The following NFIC variants were observed in gnomAD, a reference collection of about 807,000 sequenced individuals.
The protein encoded by NFIC is nuclear factor 1 C-type.
A neutral mutation model predicts 54.4 loss-of-function variants in NFIC; 12 were observed. The ratio of observed to expected loss-of-function variants is 0.22; its 90% confidence interval spans 0.14 to 0.36. NFIC has a LOEUF of 0.36. NFIC is among the 10% of genes least tolerant of loss of function. NFIC has a pLI of 1.00. For missense variants in NFIC, 575 were observed against 718.2 expected, an observed-to-expected ratio of 0.80 and a Z score of 2.28; for synonymous variants, 322 against 319.2, an observed-to-expected ratio of 1.01 and a Z score of -0.09.
intron 2 of NFIC, among the ~76,000 whole-genome samples, chr19:3,419,238 A>C (rs10405149): frequency 6.6e-6 from 1 of 152,110 alleles, no homozygotes; most frequent in Non-Finnish European, 1.5e-5. Flanking sequence ...AATATTATGC[A>C]TATTTTACCA....
At chr19:3,366,372 TAG>T (rs1300352158), upstream of NFIC, among the ~76,000 whole-genome samples, 10 of 135,016 alleles carry the variant, frequency 7.4e-5, no homozygotes, top group South Asian at 1.2e-3. Flanking sequence ...TGTCAGAGGG[TAG>T]AGAGAGAGAC....
chr19:3,405,377 C>T (rs1044206730), intron 2 of NFIC, among the ~76,000 whole-genome samples: 1 of 152,112 alleles, frequency 6.6e-6, no homozygotes, highest in Non-Finnish European at 1.5e-5. Flanking sequence ...TTGATTTGTC[C>T]AGACAGGCGA....
chr19:3,400,793 G>A (rs2081543023), intron 2 of NFIC, among the ~76,000 whole-genome samples: 1 of 152,220 alleles, frequency 6.6e-6, no homozygotes, highest in African/African-American at 2.4e-5. Context: ...AGTGAGCCGA[G>A]ATTGTACCAC....
chr19:3,384,428 C>G (rs911115023), intron 2 of NFIC, among the ~76,000 whole-genome samples: 8 of 150,012 alleles, frequency 5.3e-5, no homozygotes, highest in African/African-American at 2.0e-4. Flanking sequence ...TCGCCCTGTT[C>G]CCCGGGCTGG....
intron 2 of NFIC, among the ~76,000 whole-genome samples, chr19:3,391,816 G>T (rs532130314): frequency 1.3e-5 from 2 of 152,184 alleles, no homozygotes; most frequent in Admixed American, 1.3e-4. Flanking sequence ...TGTTATATAT[G>T]TAACAATGTA....
intron 2 of NFIC, among the ~76,000 whole-genome samples, chr19:3,420,802 A>G (rs2145592670): frequency 6.6e-6 from 1 of 151,812 alleles, no homozygotes; most frequent in South Asian, 2.1e-4. Flanking sequence ...GGCTCACTGC[A>G]AAATCCGCCT....
intron 10 of NFIC, chr19:3,457,889 C>A (rs562922895): frequency 5.9e-5 from 9 of 152,358 alleles, no homozygotes; most frequent in Non-Finnish European, 8.8e-5. Flanking sequence ...CCAGGCTCCG[C>A]AAAACCAGCC....
intron 5 of NFIC, 51 bp downstream of exon 5, chr19:3,434,451 C>T: frequency 6.5e-7 from 1 of 1,543,020 alleles, no homozygotes; most frequent in Non-Finnish European, 8.7e-7. Context: ...CATTCATCAA[C>T]CCATCCCCTC....
At chr19:3,439,802 C>G (rs2082264616) in intron 6 of NFIC, among the ~76,000 whole-genome samples, 1 of 150,396 alleles carries the variant, frequency 6.6e-6, no homozygotes, top group South Asian at 2.1e-4. Context: ...CATTCTCCTG[C>G]CTCAGCCTCC....
At chr19:3,414,557 C>T (rs553363607) in intron 2 of NFIC, among the ~76,000 whole-genome samples, 30 of 151,496 alleles carry the variant, frequency 2.0e-4, no homozygotes, top group African/African-American at 6.6e-4. Context: ...ATCACGTCAC[C>T]GCACTCCAGT....
chr19:3,382,564 G>C (rs1456732581), intron 2 of NFIC, among the ~76,000 whole-genome samples: 1 of 151,228 alleles, frequency 6.6e-6, no homozygotes, highest in African/African-American at 2.4e-5. Flanking sequence ...TGGTGGTCCA[G>C]GCAGGGCAGC....
intron 6 of NFIC, among the ~76,000 whole-genome samples, chr19:3,438,412 C>A (rs1367434588): frequency 6.6e-6 from 1 of 151,320 alleles, no homozygotes; most frequent in African/African-American, 2.4e-5. Flanking sequence ...GGCAAACTCA[C>A]TCCCTCCTGA....
intron 9 of NFIC, among the ~76,000 whole-genome samples, chr19:3,456,185 C>T (rs142029058): frequency 2.5e-4 from 38 of 152,376 alleles, no homozygotes; most frequent in African/African-American, 8.2e-4. Flanking sequence ...TCATGCACCC[C>T]GCGCGGAGGC....
At chr19:3,391,208 C>T (rs1341482428) in intron 2 of NFIC, among the ~76,000 whole-genome samples, 1 of 152,002 alleles carries the variant, frequency 6.6e-6, no homozygotes, top group Admixed American at 6.6e-5. Flanking sequence ...TATGATCACA[C>T]CACTGCACTC....
intron 2 of NFIC, among the ~76,000 whole-genome samples, chr19:3,410,198 G>A (rs1411105617): frequency 2.0e-5 from 3 of 151,954 alleles, no homozygotes; most frequent in Admixed American, 6.6e-5. Context: ...CTGCCACCAC[G>A]CCCGGCTTTT....
chr19:3,456,612 C>G lies in NFIC; in HGVS notation c.1486C>G (p.Pro496Ala). Residue 496 changes from proline to alanine, a missense_variant, in exon 10 of 11, where the codon CCT (proline) becomes GCT (alanine). Transcript: ENST00000443272. ...CTTTGTGGGATTAGGACCAAGGGAT[C>G]CTGCGGGCATTTATCAGGCACAGGT... ...RSFVGLGPRDPAGIYQAQSWY... is the reference protein window; with the variant it reads ...RSFVGLGPRDAAGIYQAQSWY... 1.3e-6 allele frequency: 2 copies of G among 1,553,284 alleles called. No homozygotes were observed. The highest frequency in any genetic ancestry group is 2.4e-5 in the South Asian group (2 of 84,190).
intron 2 of NFIC, among the ~76,000 whole-genome samples, chr19:3,422,962 C>T (rs994521291): frequency 6.6e-6 from 1 of 151,924 alleles, no homozygotes; most frequent in African/African-American, 2.4e-5. Flanking sequence ...TTTGGGAGGC[C>T]GAGGCGGGCG....
Position 3,375,774 on chromosome 19 carries a change from G to A in NFIC, c.31-5938G>A, listed in dbSNP as rs2081096743. On this transcript the variant is annotated intron_variant, in intron 1 of 10. Coordinates refer to ENST00000443272, the MANE Select transcript of NFIC (RefSeq NM_001245002.2). The surrounding 1 kb of genome is among the most constrained non-coding windows in gnomAD (Gnocchi z 4.6). ...CCGAAGCACCCCACGGCCGGAGGTG[G>A]CCCAAGGGGACGTGGAGCACAGAGC... is the stretch of plus-strand genomic sequence containing the variant. Among the ~76,000 whole-genome samples, 1 of 152,180 alleles carries A rather than the reference G, an allele frequency of 6.6e-6. No homozygotes were observed. The highest frequency in any genetic ancestry group is 1.5e-5 in the Non-Finnish European group (1 of 68,028).
intron 3 of NFIC, among the ~76,000 whole-genome samples, chr19:3,432,282 A>C (rs542419949): frequency 6.6e-6 from 1 of 152,274 alleles, no homozygotes; most frequent in African/African-American, 2.4e-5. Context: ...TGCTGGGGAC[A>C]CTGAGGGTTT....
Sources: allele counts gnomAD v4.1 joint callset (sites outside exome capture counted in the v4.1 genomes callset), GRCh38; gene constraint gnomAD v4.1.1; non-coding constraint Gnocchi (gnomAD v3.1); transcripts MANE v1.5; gene names NCBI Gene and HGNC (gene_info 2026-07-23, HGNC 2026-07-21).